Variants in CAMTA1 observed in about 807,000 individuals in gnomAD.
The protein encoded by CAMTA1 is calmodulin-binding transcription activator 1.
Under a neutral mutation model 170.9 loss-of-function variants are expected in CAMTA1, and 27 were observed. The ratio of observed to expected loss-of-function variants is 0.16; its 90% CI spans 0.12 to 0.22. CAMTA1 has a LOEUF of 0.22. Ranked by LOEUF, CAMTA1 falls within the 10% of genes least tolerant of loss-of-function variation. The pLI, the probability that CAMTA1 is intolerant of heterozygous loss-of-function variation, is 1.00. For missense variants in CAMTA1, 1,619 were observed against 2,217.2 expected, an observed-to-expected ratio of 0.73 and a Z score of 5.42; for synonymous variants, 833 against 891.5, an observed-to-expected ratio of 0.93 and a Z score of 1.17.
At chr1:6,790,850 C>G (rs971838736) in intron 1 of CAMTA1, among the ~76,000 whole-genome samples, 16 of 152,238 alleles carry the variant, frequency 1.1e-4, no homozygotes, top group African/African-American at 3.1e-4. Context: ...ATAAAAATTA[C>G]TAACAATTTG....
At chr1:7,053,085 G>T (rs1047728962) in intron 3 of CAMTA1, among the ~76,000 whole-genome samples, 1 of 152,214 alleles carries the variant, frequency 6.6e-6, no homozygotes, top group Non-Finnish European at 1.5e-5. Flanking sequence ...GGGAGCTCGT[G>T]GGGGCGGCTG....
At chr1:7,651,412 G>A (rs546188315) in intron 7 of CAMTA1, among the ~76,000 whole-genome samples, 23 of 152,344 alleles carry the variant, frequency 1.5e-4, no homozygotes, top group Admixed American at 5.2e-4. Flanking sequence ...GGTGACCAAA[G>A]CTCCAGGTGG....
chr1:7,038,741 T>A (rs1431216501), intron 3 of CAMTA1, among the ~76,000 whole-genome samples: 2 of 152,204 alleles, frequency 1.3e-5, no homozygotes, highest in Admixed American at 1.3e-4. Flanking sequence ...TATGTACCCA[T>A]TTATATAAAT....
chr1:6,905,342 C>T (rs539381810), intron 3 of CAMTA1, among the ~76,000 whole-genome samples: 3 of 152,044 alleles, frequency 2.0e-5, no homozygotes, highest in South Asian at 2.1e-4. Flanking sequence ...TATAGGTGTG[C>T]GCAACCACAC....
At chr1:7,430,211 G>T (rs569766481) in intron 5 of CAMTA1, among the ~76,000 whole-genome samples, 5 of 151,678 alleles carry the variant, frequency 3.3e-5, no homozygotes, top group Admixed American at 2.0e-4. Context: ...CATGGATGAT[G>T]GTGATTATGG....
rs2096134726 is a variant in CAMTA1, at chr1:7,677,543, A to G, written c.2780-56A>G. The G allele has an allele frequency of 7.6e-6, 12 of 1,581,356 alleles. No homozygotes were observed. The South Asian group carries it at 8.2e-5, about 11-fold the overall frequency. On this transcript the variant is annotated intron_variant, in intron 10 of 22. Coordinates refer to ENST00000303635, the MANE Select transcript of CAMTA1 (RefSeq NM_015215.4). Reference sequence around the variant, plus strand: ...GGACATTCCAGGCCCTGTGTGGTTCACCAGGCTGTAGGTACCCACCCATCC... The same window carrying G: ...GGACATTCCAGGCCCTGTGTGGTTCGCCAGGCTGTAGGTACCCACCCATCC...
At chr1:7,094,467 A>G (rs539870037) in intron 4 of CAMTA1, among the ~76,000 whole-genome samples, 22 of 152,346 alleles carry the variant, frequency 1.4e-4, no homozygotes, top group African/African-American at 4.8e-4. Context: ...ACATTTATAG[A>G]GTTTCCTAAT....
intron 6 of CAMTA1, among the ~76,000 whole-genome samples, chr1:7,578,919 G>A (rs1488797577): frequency 6.6e-6 from 1 of 152,152 alleles, no homozygotes; most frequent in Admixed American, 6.5e-5. Context: ...TGAGCTTTAG[G>A]GGACACATTC....
Position 7,333,390 on chromosome 1 carries a change from T to G in CAMTA1, c.438+83764T>G, listed in dbSNP as rs2149757771. ...GGGACCCCACGCTGCAGAGTGATGATCGCATAGGCACGCCTTCCTGCAAGG... is the reference window on the plus strand; with the variant it reads ...GGGACCCCACGCTGCAGAGTGATGAGCGCATAGGCACGCCTTCCTGCAAGG... On this transcript the variant is annotated intron_variant, in intron 5 of 22. Coordinates refer to ENST00000303635, the MANE Select transcript of CAMTA1 (RefSeq NM_015215.4). This position sits in a 1 kb window ranked among gnomAD's most constrained non-coding sequence, Gnocchi z 4.4. Among the ~76,000 whole-genome samples, 1 of 152,226 alleles carries G rather than the reference T, an allele frequency of 6.6e-6. No homozygotes were observed. The highest frequency in any genetic ancestry group is 2.1e-4 in the South Asian group (1 of 4,814).
intron 5 of CAMTA1, among the ~76,000 whole-genome samples, chr1:7,303,878 C>T (rs190383150): frequency 3.3e-5 from 5 of 152,312 alleles, no homozygotes; most frequent in African/African-American, 1.2e-4. Flanking sequence ...CCAATTACAA[C>T]AGCAAGCGAA....
intron 6 of CAMTA1, among the ~76,000 whole-genome samples, chr1:7,519,250 C>A (rs1387053024): frequency 6.6e-6 from 1 of 152,030 alleles, no homozygotes; most frequent in Non-Finnish European, 1.5e-5. Context: ...CAGCCCTCAC[C>A]TGTCTCCTTG....
chr1:6,998,672 T>C (rs1419406962), intron 3 of CAMTA1, among the ~76,000 whole-genome samples: 1 of 152,256 alleles, frequency 6.6e-6, no homozygotes, highest in African/African-American at 2.4e-5. Flanking sequence ...CAGCACTTTT[T>C]GTCTCTTTTG....
intron 6 of CAMTA1, among the ~76,000 whole-genome samples, chr1:7,610,348 G>A (rs1324907922): frequency 6.6e-6 from 1 of 152,172 alleles, no homozygotes; most frequent in East Asian, 1.9e-4. Flanking sequence ...GACCTGCCTG[G>A]CTCCTGCACA....
chr1:6,917,920 A>G (rs952104593), intron 3 of CAMTA1, among the ~76,000 whole-genome samples: 3 of 151,706 alleles, frequency 2.0e-5, no homozygotes, highest in African/African-American at 7.3e-5. Flanking sequence ...GGTGGAGGCC[A>G]TGGGTCACAG....
At chr1:7,411,255 G>A (rs1475685485) in intron 5 of CAMTA1, among the ~76,000 whole-genome samples, 1 of 152,146 alleles carries the variant, frequency 6.6e-6, no homozygotes, top group East Asian at 1.9e-4. Flanking sequence ...AGCCTCCCTG[G>A]GGCATGAGCA....
intron 5 of CAMTA1, among the ~76,000 whole-genome samples, chr1:7,414,955 T>A (rs1445532805): frequency 6.6e-6 from 1 of 151,764 alleles, no homozygotes; most frequent in Non-Finnish European, 1.5e-5. Context: ...TCTGGTATGT[T>A]GTGTCTTTGT....
intron 5 of CAMTA1, among the ~76,000 whole-genome samples, chr1:7,364,068 A>G (rs995329742): frequency 3.3e-5 from 5 of 152,088 alleles, no homozygotes; most frequent in Non-Finnish European, 7.4e-5. Flanking sequence ...GTTAGAACAG[A>G]TTTTTCACTT....
chr1:7,302,378 C>T (rs1452067533), intron 5 of CAMTA1, among the ~76,000 whole-genome samples: 2 of 152,040 alleles, frequency 1.3e-5, no homozygotes, highest in Non-Finnish European at 2.9e-5. Flanking sequence ...GTCATAAAGC[C>T]CCCAGCCCAT....
chr1:7,715,528 G>A (rs2096603058), intron 11 of CAMTA1, among the ~76,000 whole-genome samples: 1 of 151,748 alleles, frequency 6.6e-6, no homozygotes, highest in African/African-American at 2.4e-5. Context: ...GAACTCCTGG[G>A]CTCAAGTGAT....
Sources: gnomAD v4.1 joint callset for allele counts (sites outside exome capture counted in the v4.1 genomes callset) on GRCh38, gnomAD v4.1.1 for gene constraint, Gnocchi (gnomAD v3.1) non-coding constraint, MANE v1.5 for transcripts, NCBI Gene and HGNC (gene_info 2026-07-23, HGNC 2026-07-21) for gene names.